Variants in RNLS observed in about 807,000 individuals in gnomAD.
RNLS encodes renalase, FAD dependent amine oxidase, also known as renalase.
Under a neutral mutation model 39.8 loss-of-function variants are expected in RNLS, and 39 were observed. That is an observed-to-expected ratio of 0.98 (90% CI 0.76 to 1.28). The LOEUF is 1.28. Among genes scored for constraint, RNLS ranks in the 50% most tolerant of loss-of-function variants. RNLS has a pLI of 0.00. For synonymous variants in RNLS, 147 were observed against 150.7 expected (o/e 0.98, Z 0.18); for missense variants, 410 against 413.3 (o/e 0.99, Z 0.07).
intron 5 of RNLS, 90 bp from the exon 6 acceptor site, chr10:88,314,731 C>A (rs1022059616): frequency 7.5e-6 from 8 of 1,070,074 alleles, no homozygotes; most frequent in Admixed American, 6.0e-5. Context: ...AAGAACTGAT[C>A]ACAATAATCA....
Position 88,284,603 on chromosome 10 carries a change from G to A in RNLS, c.*751C>T. 1.0e-6 allele frequency: 1 copy of A among 985,106 alleles called. No homozygotes were observed. The allele number at this position is 985,106 out of a possible 1,614,324, so 61.0% of individuals were successfully genotyped here. A position where few individuals can be genotyped will look rare whatever the true frequency, so the allele number is the denominator to read the frequency against. ...ATACTGGAGAACCCATAAAGTAACA[G>A]CAACAGCTATAAAATATAGCAAAAG... On this transcript the variant is annotated 3_prime_UTR_variant, in exon 7 of 7. Transcript: ENST00000331772.
At chr10:88,484,035 C>T (rs1437586389) in intron 4 of RNLS, among the ~76,000 whole-genome samples, 3 of 151,938 alleles carry the variant, frequency 2.0e-5, no homozygotes, top group Non-Finnish European at 2.9e-5. Flanking sequence ...TTATAACACA[C>T]GATTCTGAAA....
intron 4 of RNLS, among the ~76,000 whole-genome samples, chr10:88,478,927 C>T (rs185868109): frequency 6.6e-6 from 1 of 150,510 alleles, no homozygotes; most frequent in Non-Finnish European, 1.5e-5. Context: ...CTCTTTCTGT[C>T]TGTCTCTCAA....
intron 6 of RNLS, among the ~76,000 whole-genome samples, chr10:88,301,647 C>T (rs1274900908): frequency 6.6e-6 from 1 of 152,122 alleles, no homozygotes; most frequent in Non-Finnish European, 1.5e-5. Flanking sequence ...AGCTTAAAAA[C>T]CAACAACAAC....
chr10:88,562,903 T>C (rs1849275011), intron 4 of RNLS, among the ~76,000 whole-genome samples: 1 of 152,156 alleles, frequency 6.6e-6, no homozygotes, highest in South Asian at 2.1e-4. Flanking sequence ...GGTAGGTATA[T>C]TGTTCTCTGG....
At chr10:88,320,022 T>C (rs998949121) in intron 5 of RNLS, among the ~76,000 whole-genome samples, 35 of 151,502 alleles carry the variant, frequency 2.3e-4, no homozygotes, top group African/African-American at 8.0e-4. Context: ...AAAAAAATTC[T>C]CAAAGGGAGG....
At chr10:88,498,239 T>C (rs1845282303) in intron 4 of RNLS, among the ~76,000 whole-genome samples, 1 of 151,724 alleles carries the variant, frequency 6.6e-6, no homozygotes, top group Admixed American at 6.6e-5. Context: ...CTCCTTAACA[T>C]AAAGTACTGA....
At chr10:88,262,803 G>A in the RNLS span, among the ~76,000 whole-genome samples, 14 of 152,182 alleles carry the variant, frequency 9.2e-5, no homozygotes, top group African/African-American at 3.1e-4. Context: ...AGAGGTGCCA[G>A]AAGGGGATTC....
At chr10:88,453,067 G>C (rs1237882668) in intron 4 of RNLS, among the ~76,000 whole-genome samples, 1 of 152,194 alleles carries the variant, frequency 6.6e-6, no homozygotes, top group East Asian at 1.9e-4. Flanking sequence ...TTAAGGCCAT[G>C]AGACCAGCTG....
At chr10:88,270,822 C>T (rs1027209567), downstream of RNLS, among the ~76,000 whole-genome samples, 2 of 152,146 alleles carry the variant, frequency 1.3e-5, no homozygotes, top group African/African-American at 4.8e-5. Context: ...AATACCTTTT[C>T]TGGGTACGTT....
chr10:88,568,362 G>A (rs962375483), intron 4 of RNLS, among the ~76,000 whole-genome samples: 1 of 152,030 alleles, frequency 6.6e-6, no homozygotes, highest in Non-Finnish European at 1.5e-5. Flanking sequence ...ATTTCTTTTT[G>A]AGGTGATAAA....
chr10:88,442,039 C>A (rs183392087), intron 4 of RNLS, among the ~76,000 whole-genome samples: 3 of 152,168 alleles, frequency 2.0e-5, no homozygotes, highest in African/African-American at 7.2e-5. Context: ...TCACATAACA[C>A]GACAGGAGGC....
chr10:88,192,186 C>T, the RNLS span, among the ~76,000 whole-genome samples: 24 of 152,128 alleles, frequency 1.6e-4, no homozygotes, highest in Admixed American at 2.6e-4. Context: ...AAGAAACATG[C>T]ACCACGGGAC....
Position 88,504,941 on chromosome 10 carries a change from G to C in RNLS, c.526+67962C>G, listed in dbSNP as rs562073734. Among the ~76,000 whole-genome samples the C allele has an allele frequency of 3.3e-5, 5 of 151,496 alleles. No individual in the cohort carries two copies. The East Asian group carries it at 9.7e-4, about 30-fold the overall frequency. ...CTGTAGATAAATGGGGATGCCAATA[G>C]GATCTGGGGGGAGATGATGAAGAAA... On this transcript the variant is annotated intron_variant, in intron 4 of 6. Coordinates refer to ENST00000331772, the MANE Select transcript of RNLS (RefSeq NM_001031709.3).
chr10:88,442,605 C>T (rs547188956), intron 4 of RNLS, among the ~76,000 whole-genome samples: 2 of 152,036 alleles, frequency 1.3e-5, no homozygotes, highest in East Asian at 3.9e-4. Flanking sequence ...ACTTTTCTTA[C>T]CTCTCTCACC....
At chr10:88,570,992 T>TG (rs1564910262) in intron 4 of RNLS, among the ~76,000 whole-genome samples, 4 of 150,898 alleles carry the variant, frequency 2.7e-5, no homozygotes, top group African/African-American at 7.3e-5. Context: ...TTGGTTTGTT[T>TG]TTTTTTTTTG....
At chr10:88,391,951 G>A (rs1167252504) in intron 4 of RNLS, among the ~76,000 whole-genome samples, 1 of 152,214 alleles carries the variant, frequency 6.6e-6, no homozygotes, top group Non-Finnish European at 1.5e-5. Context: ...CAGTCTGGCA[G>A]CCCCCGGAGG....
intron 5 of RNLS, among the ~76,000 whole-genome samples, chr10:88,352,685 G>T (rs1848810943): frequency 6.6e-6 from 1 of 152,198 alleles, no homozygotes; most frequent in Non-Finnish European, 1.5e-5. Flanking sequence ...TCTCTGCCAG[G>T]CTTTGGTATC....
At chr10:88,562,042 C>G (rs932352630) in intron 4 of RNLS, among the ~76,000 whole-genome samples, 2 of 151,006 alleles carry the variant, frequency 1.3e-5, no homozygotes, top group African/African-American at 4.9e-5. Flanking sequence ...TTTAAAATAT[C>G]CGGTCCTGAT....
Sources: gnomAD v4.1 joint callset for allele counts (sites outside exome capture counted in the v4.1 genomes callset) on GRCh38, gnomAD v4.1.1 for gene constraint, MANE v1.5 for transcripts, NCBI Gene and HGNC (gene_info 2026-07-23, HGNC 2026-07-21) for gene names.